The following MYO6 variants were observed in gnomAD, a reference collection of about 807,000 sequenced individuals.
MYO6 encodes the protein myosin VI, also known as unconventional myosin-VI.
MYO6 carries 74 observed loss-of-function variants against 178.7 expected under a neutral mutation model. The observed-to-expected ratio is 0.41, with a 90% CI of 0.34 to 0.50. The LOEUF (loss-of-function observed/expected upper bound fraction) is 0.50. Among genes scored for constraint, MYO6 ranks in the 20% least tolerant of loss-of-function variants. The pLI, the probability that MYO6 is intolerant of heterozygous loss-of-function variation, is 0.09. For synonymous variants in MYO6, 477 were observed against 504.6 expected (o/e 0.95, Z 0.73); for missense variants, 1,330 against 1,547.4 (o/e 0.86, Z 2.36).
chr6:75,792,989 G>A (rs1768401473), intron 1 of MYO6, among the ~76,000 whole-genome samples: 2 of 151,594 alleles, frequency 1.3e-5, no homozygotes, highest in Non-Finnish European at 2.9e-5. Context: ...ACAAGATCTC[G>A]TCATGTTGAC....
At chr6:75,784,024 T>C (rs1344832378) in intron 1 of MYO6, among the ~76,000 whole-genome samples, 2 of 152,078 alleles carry the variant, frequency 1.3e-5, no homozygotes, top group Non-Finnish European at 2.9e-5. Flanking sequence ...CAGGCTGGAG[T>C]GCGGTGGCGC....
chr6:75,817,650 A>T lies in MYO6; in HGVS notation c.103A>T (p.Asn35Tyr), dbSNP rs375031921. 1.7e-5 allele frequency: 27 copies of T among 1,613,782 alleles called. No individual in the cohort carries two copies. Among genetic ancestry groups the T allele is most frequent in the Non-Finnish European group, 2.2e-5 (26 of 1,179,732 alleles). ...GPDSLTIEPL[N>Y]QKGKTFLALI... is the part of the protein sequence containing the mutation. ...CGACAGCTTAACAATTGAACCCTTGAATCAGAAAGGCAAGGTGAGTTTCTC... is the reference window on the plus strand; with the variant it reads ...CGACAGCTTAACAATTGAACCCTTGTATCAGAAAGGCAAGGTGAGTTTCTC... Residue 35 changes from asparagine (N) to tyrosine (Y), a missense_variant, in exon 2 of 35, where the codon AAT becomes TAT. Transcript: ENST00000369977.
chr6:75,895,809 C>T (rs2149382246), intron 29 of MYO6, among the ~76,000 whole-genome samples: 1 of 152,220 alleles, frequency 6.6e-6, no homozygotes, highest in South Asian at 2.1e-4. Flanking sequence ...AGTCACTGTG[C>T]CCGGCCTGTT....
intron 1 of MYO6, among the ~76,000 whole-genome samples, chr6:75,808,800 A>G (rs1297419096): frequency 6.6e-6 from 1 of 152,210 alleles, no homozygotes; most frequent in Non-Finnish European, 1.5e-5. Context: ...TTTTAGGTAG[A>G]CATGAGACAT....
At chr6:75,820,005 C>T (rs555983800) in intron 2 of MYO6, among the ~76,000 whole-genome samples, 5 of 152,214 alleles carry the variant, frequency 3.3e-5, no homozygotes, top group Admixed American at 2.0e-4. Flanking sequence ...GATTGTGCCA[C>T]TGCACTCTAG....
chr6:75,789,437 T>A (rs1768005019), intron 1 of MYO6, among the ~76,000 whole-genome samples: 1 of 152,174 alleles, frequency 6.6e-6, no homozygotes, highest in Non-Finnish European at 1.5e-5. Flanking sequence ...TAATCAAACC[T>A]GTGGTTGTTC....
chr6:75,821,948 T>C (rs944013269), intron 2 of MYO6, among the ~76,000 whole-genome samples: 2 of 152,160 alleles, frequency 1.3e-5, no homozygotes, highest in Non-Finnish European at 2.9e-5. Context: ...AGACGAAATA[T>C]TTTTTGGTAT....
intron 30 of MYO6, among the ~76,000 whole-genome samples, chr6:75,903,690 G>A (rs1441949120): frequency 6.6e-6 from 1 of 152,014 alleles, no homozygotes; most frequent in Non-Finnish European, 1.5e-5. Context: ...CAGTTTGCCA[G>A]TCTGTGTCTT....
rs1781054520 is a variant in MYO6, at chr6:75,915,140, C to G, written c.*128C>G. ...TATAAAGTGAACAGATTTTATTAATCACGGCTTTTGGTGAATTTGTTTAAG... is the reference window on the plus strand; with the variant it reads ...TATAAAGTGAACAGATTTTATTAATGACGGCTTTTGGTGAATTTGTTTAAG... On this transcript the variant is annotated 3_prime_UTR_variant, in exon 35 of 35. Coordinates refer to ENST00000369977, the MANE Select transcript of MYO6 (RefSeq NM_004999.4). 1 of 975,262 alleles carries G rather than the reference C, an allele frequency of 1.0e-6. No individual in the cohort carries two copies. The highest frequency in any genetic ancestry group is 2.6e-5 in the East Asian group (1 of 38,054). The allele number at this position is 975,262 out of a possible 1,614,324, so 60.4% of individuals were successfully genotyped here.
Position 75,915,006 on chromosome 6 carries a change from A to G in MYO6, c.3852A>G (p.Leu1284=). Reference sequence around the variant, plus strand: ...CAACAGCCATGCTGCAGAGTCTGTTAAAGTAGATGTTGCACACCAGCCTTA... The same window carrying G: ...CAACAGCCATGCTGCAGAGTCTGTTGAAGTAGATGTTGCACACCAGCCTTA... ...TYATAMLQSL[L]K is the part of the protein sequence containing the mutation. The change falls in exon 35 of 35, where the codon TTA becomes TTG. Residue 1284 remains leucine, a synonymous_variant. Transcript: ENST00000369977. 6.2e-7 allele frequency: 1 copy of G among 1,612,254 alleles called. No homozygotes were observed. Among genetic ancestry groups the G allele is most frequent in the African/African-American group, 1.3e-5 (1 of 75,016 alleles).
At chr6:75,856,630 C>A (rs1431042787) in intron 12 of MYO6, among the ~76,000 whole-genome samples, 1 of 151,942 alleles carries the variant, frequency 6.6e-6, no homozygotes, top group African/African-American at 2.4e-5. Flanking sequence ...TCTGTACCTG[C>A]AACATTTAAT....
At chr6:75,904,270 G>T (rs2149404183) in intron 30 of MYO6, among the ~76,000 whole-genome samples, 1 of 150,078 alleles carries the variant, frequency 6.7e-6, no homozygotes, top group South Asian at 2.1e-4. Flanking sequence ...TCTGAATGTT[G>T]GCCTGCCTTG....
chr6:75,882,881 C>T (rs1464905493), intron 23 of MYO6, among the ~76,000 whole-genome samples: 1 of 152,054 alleles, frequency 6.6e-6, no homozygotes, highest in Non-Finnish European at 1.5e-5. Context: ...TAATTGTGCA[C>T]CCAGCTTTGT....
chr6:75,847,135 G>C (rs1328317708), intron 10 of MYO6, among the ~76,000 whole-genome samples: 1 of 152,036 alleles, frequency 6.6e-6, no homozygotes, highest in African/African-American at 2.4e-5. Flanking sequence ...GCAATTCTTT[G>C]ACTGCAAGAC....
At chr6:75,853,632 G>C (rs1274294723) in intron 11 of MYO6, among the ~76,000 whole-genome samples, 1 of 151,970 alleles carries the variant, frequency 6.6e-6, no homozygotes, top group African/African-American at 2.4e-5. Flanking sequence ...TTATTGTAAG[G>C]TCTCATTTTT....
intron 1 of MYO6, among the ~76,000 whole-genome samples, chr6:75,812,536 G>A (rs1388567589): frequency 6.6e-6 from 1 of 152,016 alleles, no homozygotes; most frequent in Non-Finnish European, 1.5e-5. Context: ...GTGCTATCAA[G>A]TACTAGATTT....
At chr6:75,784,352 G>GA (rs1054544129) in intron 1 of MYO6, among the ~76,000 whole-genome samples, 27 of 147,274 alleles carry the variant, frequency 1.8e-4, no homozygotes, top group African/African-American at 2.5e-4. Context: ...AGGGAAGTTT[G>GA]AAAAAAAAAA....
chr6:75,899,291 C>T (rs1196195058), intron 30 of MYO6, among the ~76,000 whole-genome samples: 30 of 151,988 alleles, frequency 2.0e-4, no homozygotes, highest in Admixed American at 2.0e-3. Flanking sequence ...TATTCTAATA[C>T]CTTATATACA....
intron 1 of MYO6, among the ~76,000 whole-genome samples, chr6:75,781,960 G>T (rs1233640695): frequency 1.3e-5 from 2 of 151,158 alleles, no homozygotes; most frequent in African/African-American, 4.9e-5. Context: ...GGAATGGGGG[G>T]AGTGGCGTGT....
Sources: allele counts gnomAD v4.1 joint callset (sites outside exome capture counted in the v4.1 genomes callset), GRCh38; gene constraint gnomAD v4.1.1; transcripts MANE v1.5; gene names NCBI Gene and HGNC (gene_info 2026-07-23, HGNC 2026-07-21).